Variants in LIN37 observed in about 807,000 individuals in gnomAD.
LIN37 encodes the protein lin-37 DREAM MuvB core complex component.
LIN37 carries 21 observed loss-of-function variants against 38.0 expected under a neutral mutation model. The observed-to-expected ratio is 0.55, with a 90% CI of 0.39 to 0.80. LIN37 has a LOEUF of 0.80. Ranked by LOEUF, LIN37 falls within the 30% of genes least tolerant of loss-of-function variation. The probability of loss-of-function intolerance (pLI) is 0.00; values close to 1 mark genes in which losing one functional copy is unlikely to be tolerated. For synonymous variants in LIN37, 126 were observed against 122.9 expected (o/e 1.03, Z -0.17); for missense variants, 273 against 338.5 (o/e 0.81, Z 1.52).
chr19:35,753,194 G>C lies in LIN37; in HGVS notation c.385G>C (p.Val129Leu), dbSNP rs778897894. ...CRAWMRNSPS[V>L]RERECSPSSP... ...CGCCTGGATGCGCAACAGCCCCTCTGTGCGCGAGCGTGAATGCTCTCCCAG... is the reference window on the plus strand; with the variant it reads ...CGCCTGGATGCGCAACAGCCCCTCTCTGCGCGAGCGTGAATGCTCTCCCAG... Residue 129 changes from valine to leucine, a missense_variant, in exon 6 of 9, where the codon GTG (valine) becomes CTG (leucine). By Grantham distance (32) the Val-to-Leu change is conservative (BLOSUM62 1). Coordinates refer to ENST00000301159, the MANE Select transcript of LIN37 (RefSeq NM_019104.3). 19 of 1,568,946 alleles carry C rather than the reference G, an allele frequency of 1.2e-5. No individual in the cohort carries two copies. The highest frequency in any genetic ancestry group is 1.6e-5 in the Non-Finnish European group (18 of 1,157,556).
rs1970704734 is a variant in LIN37 at position 35,753,171 on chromosome 19, C to A, written c.362C>A (p.Ala121Asp). ...ACGCCACTGTACCCAATCTGCCGCG[C>A]CTGGATGCGCAACAGCCCCTCTGTG... ...ENTPLYPICR[A>D]WMRNSPSVRE... is the part of the protein sequence containing the mutation. Residue 121 changes from alanine to aspartate, a missense_variant, in exon 6 of 9, where the codon GCC becomes GAC. By Grantham distance (126) the Ala-to-Asp change is moderately radical. Transcript: ENST00000301159. 1 of 1,587,972 alleles carries A rather than the reference C, an allele frequency of 6.3e-7. No individual in the cohort carries two copies.
chr19:35,749,003 C>G, intron 1 of LIN37: 2 of 1,347,844 alleles, frequency 1.5e-6, no homozygotes, highest in Non-Finnish European at 1.9e-6. Context: ...ATGGGGAATC[C>G]TGAGCCGGTA....
chr19:35,753,588 C>T (rs1970710836), intron 6 of LIN37: 2 of 511,702 alleles, frequency 3.9e-6, no homozygotes, highest in Non-Finnish European at 7.1e-6. Context: ...CCTTGAGGAG[C>T]AGGGGCTGGG....
chr19:35,748,754 A>G lies in LIN37; in HGVS notation c.30A>G (p.Lys10=), dbSNP rs750942070. The change falls in exon 1 of 9, where the codon AAA becomes AAG. Residue 10 remains lysine, a synonymous_variant. Coordinates refer to ENST00000301159, the MANE Select transcript of LIN37 (RefSeq NM_019104.3). The part of the protein sequence containing the change: MFPVKVKVE[K]SELEMAKARN... ...TCCCTGTGAAGGTGAAAGTGGAGAA[A>G]TCAGGTGAGGACCCTGACGTCGGGG... 1 of 1,613,886 alleles carries G rather than the reference A, an allele frequency of 6.2e-7. No homozygotes were observed. The highest frequency in any genetic ancestry group is 8.5e-7 in the Non-Finnish European group (1 of 1,179,828).
rs1353514749 is a variant in LIN37 at position 35,754,268 on chromosome 19, C to CTCAT, written c.608_609insTCAT (p.Ser204HisfsTer?). 6.2e-7 allele frequency: 1 copy of CTCAT among 1,614,048 alleles called. No homozygotes were observed. Among genetic ancestry groups the CTCAT allele is most frequent in the Non-Finnish European group, 8.5e-7 (1 of 1,179,896 alleles). On this transcript the variant is annotated frameshift_variant, in exon 8 of 9. Transcript: ENST00000301159. LOFTEE classifies it high-confidence loss of function. ...CAGCCCTCTGAGCCCGAGCCCTCAC[C>CTCAT]CTCCACACTCATCTATCGCAACATG... is the stretch of plus-strand genomic sequence containing the variant.
intron 1 of LIN37, among the ~76,000 whole-genome samples, chr19:35,749,779 T>A (rs1599735449): frequency 7.0e-6 from 1 of 142,050 alleles, no homozygotes. Flanking sequence ...CACTCCAGCC[T>A]GGGTGATAGA....
chr19:35,754,040 G>A lies in LIN37; in HGVS notation c.468G>A (p.Lys156=). The A allele has an allele frequency of 6.2e-7, 1 of 1,613,752 alleles. No homozygotes were observed. The highest frequency in any genetic ancestry group is 8.5e-7 in the Non-Finnish European group (1 of 1,179,852). ...DEEGSEVTNS[K]SRDVYKLPPP... ...AGGGCTCAGAGGTAACCAACAGCAA[G>A]AGTCGTGATGTGTACAAGCTGCCGC... is the stretch of plus-strand genomic sequence containing the variant. Residue 156 remains lysine (K), a synonymous_variant, in exon 7 of 9, where the codon AAG becomes AAA. Transcript: ENST00000301159.
Position 35,754,010 on chromosome 19 carries a change from TC to T in LIN37, c.445-3del, listed in dbSNP as rs556963570. On this transcript the variant is annotated splice_polypyrimidine_tract_variant and splice_region_variant and intron_variant, in intron 6 of 8. Transcript: ENST00000301159. ...TTGGGCCTGGCATGGGGCCCTTGTG[TC>T]CCCAGGGCTCAGAGGTAACCAACAG... The T allele has an allele frequency of 1.4e-4, 233 of 1,611,732 alleles. 4 individuals carry two copies. In the South Asian group the frequency reaches 2.5e-3, roughly 17 times the overall value.
In LIN37 at chr19:35,748,749, G is replaced by A; in HGVS notation, c.25G>A (p.Glu9Lys). The change falls in exon 1 of 9, where the codon GAG becomes AAG. Residue 9 changes from glutamate to lysine, a missense_variant. Transcript: ENST00000301159. MFPVKVKV[E>K]KSELEMAKAR... Reference sequence around the variant, plus strand: ...CATGTTCCCTGTGAAGGTGAAAGTGGAGAAATCAGGTGAGGACCCTGACGT... The same window carrying A: ...CATGTTCCCTGTGAAGGTGAAAGTGAAGAAATCAGGTGAGGACCCTGACGT... The A allele has an allele frequency of 6.2e-7, 1 of 1,613,946 alleles. No individual in the cohort carries two copies. Among genetic ancestry groups the A allele is most frequent in the Non-Finnish European group, 8.5e-7 (1 of 1,179,850 alleles).
chr19:35,752,534 T>G, intron 3 of LIN37, 50 bp downstream of exon 3: 1 of 1,589,248 alleles, frequency 6.3e-7, no homozygotes, highest in Non-Finnish European at 8.6e-7. Flanking sequence ...GTTGGTAACT[T>G]CTTTCCTTAT....
In LIN37 at chr19:35,754,045, G is replaced by C. The variant is rs369546658; in HGVS notation, c.473G>C (p.Arg158Pro). 1.2e-6 allele frequency: 2 copies of C among 1,613,784 alleles called. No individual in the cohort carries two copies. ...TCAGAGGTAACCAACAGCAAGAGTC[G>C]TGATGTGTACAAGCTGCCGCCACCC... ...EGSEVTNSKS[R>P]DVYKLPPPTP... is the part of the protein sequence containing the mutation. Residue 158 changes from arginine (R) to proline (P), a missense_variant, in exon 7 of 9, where the codon CGT becomes CCT. Physicochemically the swap from Arg to Pro is moderately radical, Grantham distance 103. Transcript: ENST00000301159.
intron 1 of LIN37, among the ~76,000 whole-genome samples, chr19:35,751,048 C>T (rs1390592477): frequency 6.6e-6 from 1 of 151,870 alleles, no homozygotes; most frequent in African/African-American, 2.4e-5. Flanking sequence ...CACTGTTGGC[C>T]GGGCATGGTG....
At chr19:35,751,176 C>T (rs868681978) in intron 1 of LIN37, among the ~76,000 whole-genome samples, 1 of 149,726 alleles carries the variant, frequency 6.7e-6, no homozygotes, top group South Asian at 2.1e-4. Flanking sequence ...CAAAAATTAG[C>T]CAGGCGTGGT....
In LIN37 at chr19:35,748,705, C is replaced by T. The variant is rs1249932340; in HGVS notation, c.-20C>T. On this transcript the variant is annotated 5_prime_UTR_variant, in exon 1 of 9. Transcript: ENST00000301159. Reference sequence around the variant, plus strand: ...TTTGGGGCGCCTCTGACCCAGCTAGCCAGATCCCGGACCCAAACCATGTTC... The same window carrying T: ...TTTGGGGCGCCTCTGACCCAGCTAGTCAGATCCCGGACCCAAACCATGTTC... 2 of 1,613,852 alleles carry T rather than the reference C, an allele frequency of 1.2e-6. No homozygotes were observed. Among genetic ancestry groups the T allele is most frequent in the Non-Finnish European group, 1.7e-6 (2 of 1,179,768 alleles).
chr19:35,749,824 G>GAAAA (rs59413476), intron 1 of LIN37, among the ~76,000 whole-genome samples: 37,992 of 145,336 alleles, frequency 0.26, 6,738 homozygotes, highest in African/African-American at 0.49. Flanking sequence ...AAAAAAGAAA[G>GAAAA]GAAAAGAAAA....
chr19:35,754,351 A>C (rs376386158), intron 8 of LIN37, 32 bp downstream of exon 8: 16 of 1,613,358 alleles, frequency 9.9e-6, no homozygotes, highest in Non-Finnish European at 1.4e-5. Context: ...TGCCCCTCGT[A>C]GGGCCCTTTG....
intron 1 of LIN37, 110 bp downstream of exon 1, chr19:35,748,868 C>A: frequency 6.3e-7 from 1 of 1,597,412 alleles, no homozygotes; most frequent in Non-Finnish European, 8.6e-7. Flanking sequence ...TTCCCTGAAG[C>A]CCACCTGACA....
chr19:35,752,721 G>A, intron 3 of LIN37, 83 bp from the exon 4 acceptor site: 2 of 1,536,582 alleles, frequency 1.3e-6, no homozygotes, highest in Non-Finnish European at 1.8e-6. Context: ...GAGCATCTCA[G>A]GTTTGATACC....
chr19:35,753,557 C>G (rs1285648271), intron 6 of LIN37: 4 of 537,314 alleles, frequency 7.4e-6, no homozygotes, highest in African/African-American at 1.9e-5. Context: ...GTCCTTAGTA[C>G]AGACAGAAGT....
Sources: allele counts gnomAD v4.1 joint callset (sites outside exome capture counted in the v4.1 genomes callset), GRCh38; gene constraint gnomAD v4.1.1; transcripts MANE v1.5; gene names NCBI Gene and HGNC (gene_info 2026-07-23, HGNC 2026-07-21).